Variants in ABR observed in about 807,000 individuals in gnomAD.
ABR encodes ABR activator of RhoGEF and GTPase.
ABR carries 35 observed loss-of-function variants against 107.2 expected under a neutral mutation model. That is an observed-to-expected ratio of 0.33 (90% CI 0.25 to 0.43). The LOEUF (loss-of-function observed/expected upper bound fraction) is 0.43, where lower values mean the gene tolerates loss of function less well. Among genes scored for constraint, ABR ranks in the 20% least tolerant of loss-of-function variants. The pLI, the probability that ABR is intolerant of heterozygous loss-of-function variation, is 1.00. For missense variants in ABR, 815 were observed against 1,115.2 expected (o/e 0.73, Z 3.83); for synonymous variants, 498 against 462.0 (o/e 1.08, Z -1.00).
At chr17:1,095,564 C>T (rs2037360936) in intron 3 of ABR, among the ~76,000 whole-genome samples, 1 of 152,180 alleles carries the variant, frequency 6.6e-6, no homozygotes, top group Non-Finnish European at 1.5e-5. Flanking sequence ...AGCGCTAGCA[C>T]ACCACTCAGG....
rs1285790352 is a variant in ABR at position 1,084,203 on chromosome 17, C to T, written c.532-576G>A. The stretch of plus-strand genomic sequence containing the variant: ...ACCAGCCTGGCCAACATGGCGAAAC[C>T]CCGTCTCTACTAAAAATACAAAAAT... On this transcript the variant is annotated intron_variant, in intron 4 of 22. Coordinates refer to ENST00000302538, the MANE Select transcript of ABR (RefSeq NM_021962.5). This position sits in a 1 kb window ranked among gnomAD's most constrained non-coding sequence, Gnocchi z 4.2. Among the ~76,000 whole-genome samples, 3 of 152,222 alleles carry T rather than the reference C, an allele frequency of 2.0e-5. No individual in the cohort carries two copies. The highest frequency in any genetic ancestry group is 7.2e-5 in the African/African-American group (3 of 41,450).
rs1002938640 is a variant in ABR, at chr17:1,201,190, C to T, written c.838+27603G>A. Among the ~76,000 whole-genome samples, 12 of 152,284 alleles carry T rather than the reference C, an allele frequency of 7.9e-5. No homozygotes were observed. In the South Asian group the frequency reaches 1.5e-3, roughly 18 times the overall value. Reference sequence around the variant, plus strand: ...CACATCAGCAATAGCTTCACGGGGCCGGTGTCCACGAGGCTGCTGCTCCGG... The same window carrying T: ...CACATCAGCAATAGCTTCACGGGGCTGGTGTCCACGAGGCTGCTGCTCCGG... On this transcript the variant is annotated intron_variant, in intron 1 of 22. Transcript: ENST00000574139.
Position 1,223,181 on chromosome 17 carries a change from G to A in ABR, c.838+5612C>T, listed in dbSNP as rs77343713. Among the ~76,000 whole-genome samples the A allele has an allele frequency of 1.2e-4, 18 of 151,380 alleles. No individual in the cohort carries two copies. The East Asian group carries it at 1.6e-3, about 13-fold the overall frequency. On this transcript the variant is annotated intron_variant, in intron 1 of 22. Transcript: ENST00000574139. ...CTTGCCATTACACACCAGCCGGGGT[G>A]ACAAGAGCCATACTCCATCTCAAAA...
At chr17:1,049,324 C>T (rs1427634170) in intron 16 of ABR, among the ~76,000 whole-genome samples, 3 of 152,106 alleles carry the variant, frequency 2.0e-5, no homozygotes, top group East Asian at 1.9e-4. Context: ...CCCGCCACCA[C>T]GACCTGCTAA....
rs560073814 is a variant in ABR, at chr17:1,005,645, G to A, written c.*435C>T. The A allele has an allele frequency of 6.2e-5, 11 of 176,582 alleles. No homozygotes were observed. Among genetic ancestry groups the A allele is most frequent in the Admixed American group, 1.4e-4 (2 of 14,664 alleles). 10.9% of individuals were successfully genotyped at this position (176,582 alleles called of 1,614,324 possible). A position where few individuals can be genotyped will look rare whatever the true frequency, so the allele number is the denominator to read the frequency against. On this transcript the variant is annotated 3_prime_UTR_variant, in exon 23 of 23. Coordinates refer to ENST00000302538, the MANE Select transcript of ABR (RefSeq NM_021962.5). ...AGGCTGCCAGGAGACCGCCATCTGG[G>A]AGCAGGGCCAAGAGAGAAGCTGGCA...
chr17:1,170,928 CA>C (rs551819974), intron 1 of ABR, among the ~76,000 whole-genome samples: 1 of 152,258 alleles, frequency 6.6e-6, no homozygotes, highest in South Asian at 2.1e-4. Context: ...AGAACAACTG[CA>C]GGGGGCACTC....
chr17:1,158,386 G>A (rs760569006), intron 1 of ABR, among the ~76,000 whole-genome samples: 43 of 150,388 alleles, frequency 2.9e-4, no homozygotes, highest in Non-Finnish European at 5.2e-4. Flanking sequence ...GTGAACCACC[G>A]CGCCCAGCCG....
At chr17:1,040,150 G>A (rs2030104597) in intron 16 of ABR, among the ~76,000 whole-genome samples, 1 of 152,162 alleles carries the variant, frequency 6.6e-6, no homozygotes, top group Non-Finnish European at 1.5e-5. Context: ...AGAACGAGAG[G>A]GGGCCGGAGC....
At chr17:1,048,109 G>A (rs540364492) in intron 16 of ABR, among the ~76,000 whole-genome samples, 16 of 152,214 alleles carry the variant, frequency 1.1e-4, no homozygotes, top group Non-Finnish European at 1.9e-4. Context: ...GGGAGATGGG[G>A]CTCCCTCCCC....
intron 2 of ABR, among the ~76,000 whole-genome samples, chr17:1,122,758 A>C (rs1006354910): frequency 6.6e-6 from 1 of 152,224 alleles, no homozygotes; most frequent in African/African-American, 2.4e-5. Context: ...TCGTATGTAG[A>C]TATAGATACA....
At chr17:1,135,155 T>C (rs1020904520) in intron 1 of ABR, among the ~76,000 whole-genome samples, 2 of 152,000 alleles carry the variant, frequency 1.3e-5, no homozygotes, top group African/African-American at 4.8e-5. Context: ...TGGAGGGGAC[T>C]ATAAATAGCC....
rs1014146758 is a variant in ABR, at chr17:1,078,038, C to A, written c.700+1292G>T. ...TGACATGCACCTGTCCCGGGACTTC[C>A]CCCCAGCCCCCAGCCAGCTGCGGGA... On this transcript the variant is annotated intron_variant, in intron 6 of 22. Transcript: ENST00000302538. This position sits in a 1 kb window ranked among gnomAD's most constrained non-coding sequence, Gnocchi z 7.5. Among the ~76,000 whole-genome samples the A allele has an allele frequency of 4.5e-4, 2 of 4,420 alleles. No individual in the cohort carries two copies. Among genetic ancestry groups the A allele is most frequent in the African/African-American group, 0.016 (2 of 124 alleles). 2.9% of individuals were successfully genotyped at this position (4,420 alleles called of 152,430 possible).
At chr17:1,218,065 A>C (rs548994516) in intron 1 of ABR, among the ~76,000 whole-genome samples, 1 of 152,314 alleles carries the variant, frequency 6.6e-6, no homozygotes, top group East Asian at 1.9e-4. Flanking sequence ...CCTGACTTCA[A>C]GTAATCCGCT....
intron 1 of ABR, among the ~76,000 whole-genome samples, chr17:1,198,721 C>T (rs947483614): frequency 5.3e-5 from 8 of 150,622 alleles, no homozygotes; most frequent in Admixed American, 2.0e-4. Flanking sequence ...CTGCAAGCTC[C>T]GCCTCCCGGG....
At chr17:1,029,950 C>T (rs1368793535) in intron 16 of ABR, among the ~76,000 whole-genome samples, 1 of 151,840 alleles carries the variant, frequency 6.6e-6, no homozygotes, top group Non-Finnish European at 1.5e-5. Flanking sequence ...GTCCACGACA[C>T]GGACACACTG....
Position 1,149,181 on chromosome 17 carries a change from G to A in ABR, c.62-23814C>T, listed in dbSNP as rs150815496. ...GCCTCCCAAAGTGCTGGGATTACAGGCGTGAGCTACCTAGCGCCCGGCCTA... is the reference window on the plus strand; with the variant it reads ...GCCTCCCAAAGTGCTGGGATTACAGACGTGAGCTACCTAGCGCCCGGCCTA... On this transcript the variant is annotated intron_variant, in intron 1 of 22. Transcript: ENST00000302538. Among the ~76,000 whole-genome samples the A allele has an allele frequency of 9.7e-3, 1,476 of 152,148 alleles. 14 individuals are homozygous for A. The highest frequency in any genetic ancestry group is 0.033 in the African/African-American group (1,386 of 41,516).
chr17:1,176,051 A>G (rs1399005220), intron 1 of ABR, among the ~76,000 whole-genome samples: 1 of 151,924 alleles, frequency 6.6e-6, no homozygotes, highest in Non-Finnish European at 1.5e-5. Context: ...AGATAGTGCC[A>G]CTGCACTCCA....
intron 2 of ABR, among the ~76,000 whole-genome samples, chr17:1,123,399 C>T (rs755563836): frequency 2.0e-5 from 3 of 152,220 alleles, no homozygotes; most frequent in Admixed American, 6.5e-5. Context: ...GCAAGACGCA[C>T]AGCCACCAAG....
intron 10 of ABR, among the ~76,000 whole-genome samples, chr17:1,059,372 G>A (rs1032746544): frequency 7.2e-5 from 11 of 152,196 alleles, no homozygotes; most frequent in South Asian, 4.1e-4. Context: ...GGCCCTGGGC[G>A]GGGTGCTATG....
Sources: gnomAD v4.1 joint callset for allele counts (sites outside exome capture counted in the v4.1 genomes callset) on GRCh38, gnomAD v4.1.1 for gene constraint, Gnocchi (gnomAD v3.1) non-coding constraint, MANE v1.5 for transcripts, NCBI Gene and HGNC (gene_info 2026-07-23, HGNC 2026-07-21) for gene names.